The following JADE1 variants were observed in gnomAD, a reference collection of about 807,000 sequenced individuals.
The protein encoded by JADE1 is protein Jade-1.
Under a neutral mutation model 81.8 loss-of-function variants are expected in JADE1, and 14 were observed. That is an observed-to-expected ratio of 0.17 (90% CI 0.11 to 0.27). The LOEUF (loss-of-function observed/expected upper bound fraction) is 0.27, where lower values mean the gene tolerates loss of function less well. JADE1 is among the 10% of genes least tolerant of loss of function. JADE1 has a pLI of 1.00. For missense variants in JADE1, 690 were observed against 1,047.9 expected, an observed-to-expected ratio of 0.66 and a Z score of 4.71; for synonymous variants, 353 against 391.9, an observed-to-expected ratio of 0.90 and a Z score of 1.17.
chr4:128,866,271 CTTTAAA>C (rs766699038), intron 9 of JADE1, among the ~76,000 whole-genome samples: 2 of 152,082 alleles, frequency 1.3e-5, no homozygotes, highest in Non-Finnish European at 2.9e-5. Context: ...ATTCTCAATT[CTTTAAA>C]TTTAAAATAA....
chr4:128,842,452 A>G (rs1196778234), intron 2 of JADE1, among the ~76,000 whole-genome samples: 3 of 151,966 alleles, frequency 2.0e-5, no homozygotes, highest in Admixed American at 6.6e-5. Context: ...GGTGCCTGCC[A>G]CCACGCGAAG....
intron 6 of JADE1, among the ~76,000 whole-genome samples, chr4:128,853,014 G>A (rs890838594): frequency 3.3e-5 from 5 of 150,426 alleles, no homozygotes; most frequent in African/African-American, 4.9e-5. Flanking sequence ...TTCCTCCTCC[G>A]CCTCCCGAGT....
rs564460176 is a variant in JADE1, at chr4:128,859,464, T to G, written c.981+2010T>G. Among the ~76,000 whole-genome samples the G allele has an allele frequency of 1.9e-3, 287 of 151,684 alleles. 1 individual carries two copies. The highest frequency in any genetic ancestry group is 2.9e-3 in the Non-Finnish European group (195 of 68,020). On this transcript the variant is annotated intron_variant, in intron 8 of 10. Coordinates refer to ENST00000226319, the MANE Select transcript of JADE1 (RefSeq NM_199320.4). ...GTGTGTATGCGCGTGAGTGCGTGAG[T>G]ATGCACATGAGTATGCATGTGAGTA...
At chr4:128,824,834 C>T (rs1317547589) in intron 1 of JADE1, among the ~76,000 whole-genome samples, 1 of 152,090 alleles carries the variant, frequency 6.6e-6, no homozygotes, top group Non-Finnish European at 1.5e-5. Context: ...GAGAAACCAG[C>T]CTTTCTGCAT....
intron 9 of JADE1, chr4:128,863,009 G>T: frequency 2.0e-6 from 2 of 985,494 alleles, no homozygotes; most frequent in East Asian, 1.1e-4. Flanking sequence ...TGTCTGAGGA[G>T]CCCCAGTCAT....
intron 1 of JADE1, among the ~76,000 whole-genome samples, chr4:128,818,341 G>A (rs980260501): frequency 2.0e-5 from 3 of 151,772 alleles, no homozygotes; most frequent in Non-Finnish European, 4.4e-5. Flanking sequence ...GGCTGGTCTC[G>A]AACTCTTGAC....
intron 1 of JADE1, among the ~76,000 whole-genome samples, chr4:128,816,834 G>T (rs79683130): frequency 6.6e-6 from 1 of 151,812 alleles, no homozygotes; most frequent in Non-Finnish European, 1.5e-5. Flanking sequence ...TAAAACCTTA[G>T]ATTTTTTTGG....
In JADE1 at chr4:128,867,865, C is replaced by G; in HGVS notation, c.1513C>G (p.Leu505Val). The change falls in exon 10 of 11, where the codon CTC becomes GTC. Residue 505 changes from leucine (L) to valine (V), a missense_variant. Physicochemically the swap from Leu to Val is conservative, Grantham distance 32. This residue lies in a region of JADE1 where 63 missense variants were observed against 138.4 expected (regional missense o/e 0.46). Transcript: ENST00000226319. ...LRQDLERVRNLTYMVTRREKI... is the reference protein window; with the variant it reads ...LRQDLERVRNVTYMVTRREKI... The stretch of plus-strand genomic sequence containing the variant: ...ATTCTCTACATTCTAGGTTCGGAAC[C>G]TCACTTACATGGTGACCCGCAGGGA... The G allele has an allele frequency of 6.2e-7, 1 of 1,610,434 alleles. No homozygotes were observed. Among genetic ancestry groups the G allele is most frequent in the Non-Finnish European group, 8.5e-7 (1 of 1,176,900 alleles).
intron 6 of JADE1, among the ~76,000 whole-genome samples, chr4:128,853,184 G>T (rs766205475): frequency 6.6e-6 from 1 of 152,198 alleles, no homozygotes; most frequent in Non-Finnish European, 1.5e-5. Context: ...TCCACATGGC[G>T]GTCTTCTTAG....
intron 1 of JADE1, among the ~76,000 whole-genome samples, chr4:128,812,739 A>G (rs1176007086): frequency 2.0e-5 from 3 of 152,248 alleles, no homozygotes; most frequent in Non-Finnish European, 2.9e-5. Context: ...GACCGTTTAA[A>G]AGGAGCTTTA....
intron 9 of JADE1, 99 bp downstream of exon 9, chr4:128,862,324 T>TC (rs1731406643): frequency 6.5e-7 from 1 of 1,548,690 alleles, no homozygotes; most frequent in African/African-American, 1.4e-5. Flanking sequence ...TCATATACTC[T>TC]CAGACCCTTG....
intron 3 of JADE1, among the ~76,000 whole-genome samples, chr4:128,845,190 C>T (rs767429996): frequency 2.6e-5 from 4 of 152,188 alleles, no homozygotes; most frequent in Non-Finnish European, 4.4e-5. Flanking sequence ...GGCTGGGAGG[C>T]GGTGTTGTGC....
chr4:128,809,874 G>A lies in JADE1; in HGVS notation c.-30G>A, dbSNP rs1726177648. On this transcript the variant is annotated 5_prime_UTR_variant, in exon 1 of 11. Coordinates refer to ENST00000226319, the MANE Select transcript of JADE1 (RefSeq NM_199320.4). The stretch of plus-strand genomic sequence containing the variant: ...AGCGCCTCGGCCGAACCCCTCCGCA[G>A]CAGGTACGCGCGCGGGCCGCGGGGG... The A allele has an allele frequency of 6.7e-6, 1 of 149,124 alleles. No individual in the cohort carries two copies. Among genetic ancestry groups the A allele is most frequent in the African/African-American group, 2.4e-5 (1 of 41,028 alleles). 9.2% of individuals were successfully genotyped at this position (149,124 alleles called of 1,614,324 possible).
At chr4:128,864,293 G>A (rs535446304) in intron 9 of JADE1, 125 of 466,336 alleles carry the variant, frequency 2.7e-4, no homozygotes, top group African/African-American at 2.5e-3. Context: ...GATTACAGGC[G>A]TGCGCCACCA....
chr4:128,874,618 T>C lies in JADE1; in HGVS notation c.*2356T>C, dbSNP rs1300118172. ...CACGGTTTCTCTGACAGTATAATGA[T>C]AGCTTTGTGAGTTAGTTTCATGTCA... On this transcript the variant is annotated 3_prime_UTR_variant, in exon 11 of 11. Coordinates refer to ENST00000226319, the MANE Select transcript of JADE1 (RefSeq NM_199320.4). The C allele has an allele frequency of 6.6e-6, 1 of 152,630 alleles. No homozygotes were observed. Among genetic ancestry groups the C allele is most frequent in the Non-Finnish European group, 1.5e-5 (1 of 68,020 alleles). 9.5% of individuals were successfully genotyped at this position (152,630 alleles called of 1,614,324 possible).
intron 1 of JADE1, among the ~76,000 whole-genome samples, chr4:128,818,836 G>T (rs1322448281): frequency 6.6e-6 from 1 of 152,070 alleles, no homozygotes; most frequent in Non-Finnish European, 1.5e-5. Flanking sequence ...ACAGAAACAG[G>T]CTGTTGACCC....
intron 9 of JADE1, among the ~76,000 whole-genome samples, chr4:128,866,330 A>T (rs572457401): frequency 5.3e-5 from 8 of 152,262 alleles, no homozygotes; most frequent in African/African-American, 1.9e-4. Context: ...AGAGAAAAAA[A>T]GATGGGAAGA....
intron 2 of JADE1, among the ~76,000 whole-genome samples, chr4:128,841,442 T>C (rs1729424736): frequency 6.6e-6 from 1 of 152,166 alleles, no homozygotes; most frequent in Admixed American, 6.5e-5. Context: ...ATTGGGAAGT[T>C]GAATTGACCT....
At chr4:128,815,974 T>A (rs1726996247) in intron 1 of JADE1, among the ~76,000 whole-genome samples, 1 of 152,032 alleles carries the variant, frequency 6.6e-6, no homozygotes, top group African/African-American at 2.4e-5. Context: ...TCCTCCCTTG[T>A]ACAAGCCTTT....
Sources: gnomAD v4.1 joint callset for allele counts (sites outside exome capture counted in the v4.1 genomes callset) on GRCh38, gnomAD v4.1.1 for gene constraint, gnomAD v4.1.1 regional missense constraint, MANE v1.5 for transcripts, NCBI Gene and HGNC (gene_info 2026-07-23, HGNC 2026-07-21) for gene names.